SPTBN1: variants seen among roughly 807,000 people sequenced by gnomAD.
SPTBN1 encodes the protein spectrin beta, non-erythrocytic 1.
In SPTBN1, 32 loss-of-function variants were observed where a neutral mutation model predicts 266.4. The observed-to-expected ratio is 0.12, with a 90% CI of 0.09 to 0.16. The LOEUF is 0.16. Ranked by LOEUF, SPTBN1 falls within the 10% of genes least tolerant of loss-of-function variation. The pLI, the probability that SPTBN1 is intolerant of heterozygous loss-of-function variation, is 1.00. For missense variants in SPTBN1, 2,296 were observed against 3,067.1 expected, an observed-to-expected ratio of 0.75 and a Z score of 5.94; for synonymous variants, 1,336 against 1,162.2, an observed-to-expected ratio of 1.15 and a Z score of -3.04.
intron 1 of SPTBN1, among the ~76,000 whole-genome samples, chr2:54,509,657 T>C (rs762461717): frequency 6.6e-6 from 1 of 152,202 alleles, no homozygotes; most frequent in Non-Finnish European, 1.5e-5. Flanking sequence ...GATCCTTGGA[T>C]TGAGATTGGA....
At chr2:54,557,629 CA>C in intron 2 of SPTBN1, 2 of 790,238 alleles carry the variant, frequency 2.5e-6, no homozygotes, top group Non-Finnish European at 3.1e-6. Flanking sequence ...CCCTCCGGAT[CA>C]TAAACAACTC....
chr2:54,659,169 G>A lies in SPTBN1; in HGVS notation c.6259G>A (p.Val2087Met). 1 of 1,614,060 alleles carries A rather than the reference G, an allele frequency of 6.2e-7. No homozygotes were observed. Among genetic ancestry groups the A allele is most frequent in the South Asian group, 1.1e-5 (1 of 91,070 alleles). Residue 2087 changes from valine (V) to methionine (M), a missense_variant, in exon 31 of 36, where the codon GTG becomes ATG. Physicochemically the swap from Val to Met is conservative, Grantham distance 21. Transcript: ENST00000356805. Reference sequence around the variant, plus strand: ...TTTCTCTTAGTTGGAGTTACTGGAAGTGCGCAGACAGCAAGAGGAAGAGGA... The same window carrying A: ...TTTCTCTTAGTTGGAGTTACTGGAAATGCGCAGACAGCAAGAGGAAGAGGA... ...ERLTTLELLE[V>M]RRQQEEEERK...
Position 54,558,091 on chromosome 2 carries a change from C to T in SPTBN1, c.148+31525C>T, listed in dbSNP as rs1327590854. The T allele has an allele frequency of 1.0e-6, 1 of 985,288 alleles. No individual in the cohort carries two copies. 61.0% of individuals were successfully genotyped at this position (985,288 alleles called of 1,614,324 possible). A position where few individuals can be genotyped will look rare whatever the true frequency, so the allele number is the denominator to read the frequency against. ...CAAGTGATAGTAATCGGAGACTTTT[C>T]CGTTACATGAGGCTCAACAAAAGAT... On this transcript the variant is annotated intron_variant, in intron 2 of 35. Coordinates refer to ENST00000356805, the MANE Select transcript of SPTBN1 (RefSeq NM_003128.3). The surrounding 1 kb of genome is among the most constrained non-coding windows in gnomAD (Gnocchi z 4.6).
At position 54,554,195 on chromosome 2, in the gene SPTBN1, T is replaced by C. The variant is rs976443567; in HGVS notation, c.148+27629T>C. 6.6e-6 allele frequency among the ~76,000 whole-genome samples: 1 copy of C among 152,166 alleles called. No individual in the cohort carries two copies. The highest frequency in any genetic ancestry group is 2.4e-5 in the African/African-American group (1 of 41,428). The stretch of plus-strand genomic sequence containing the variant: ...TTTTTCAGAAAAGCTTAGAAACCCA[T>C]AGTAAGCTGGATATACTCTGAGCAT... On this transcript the variant is annotated intron_variant, in intron 2 of 35. Coordinates refer to ENST00000356805, the MANE Select transcript of SPTBN1 (RefSeq NM_003128.3). This position sits in a 1 kb window ranked among gnomAD's most constrained non-coding sequence, Gnocchi z 4.5.
intron 3 of SPTBN1, among the ~76,000 whole-genome samples, chr2:54,608,129 C>T (rs144650491): frequency 2.6e-4 from 39 of 152,296 alleles, no homozygotes; most frequent in African/African-American, 8.9e-4. Context: ...ACACCAAGCC[C>T]AGTCTGTCTG....
chr2:54,548,654 T>C (rs940295313), intron 2 of SPTBN1, among the ~76,000 whole-genome samples: 16 of 152,352 alleles, frequency 1.1e-4, no homozygotes, highest in African/African-American at 3.8e-4. Context: ...AGGCCTGCTT[T>C]CTAATCTCCA....
At position 54,653,738 on chromosome 2, in the gene SPTBN1, C is replaced by T. The variant is rs1387826377; in HGVS notation, c.5707C>T (p.Arg1903Cys). 3.7e-6 allele frequency: 6 copies of T among 1,614,094 alleles called. No individual in the cohort carries two copies. The highest frequency in any genetic ancestry group is 1.7e-5 in the Admixed American group (1 of 60,004). The change falls in exon 27 of 36, where the codon CGC becomes TGC. Residue 1903 changes from arginine to cysteine, a missense_variant. Physicochemically the swap from Arg to Cys is radical, Grantham distance 180 (BLOSUM62 -3). Around this residue, in one of 12 missense-constraint regions of SPTBN1, gnomAD observed 644 missense variants for 745.3 expected, o/e 0.86. Transcript: ENST00000356805. This position sits in a 1 kb window ranked among gnomAD's most constrained non-coding sequence, Gnocchi z 5.1. ...GTCCCTCCTGGACGCCTGTGAGAGC[C>T]GCAGGGTGCGGCTGGTGGACACAGG... Reference protein sequence around the residue: ...WKSLLDACESRRVRLVDTGDK... With the variant: ...WKSLLDACESCRVRLVDTGDK...
intron 2 of SPTBN1, among the ~76,000 whole-genome samples, chr2:54,597,624 G>T (rs1245107175): frequency 2.0e-5 from 3 of 152,200 alleles, no homozygotes; most frequent in Non-Finnish European, 4.4e-5. Context: ...GTCGGCAGCT[G>T]TAAAACCTCA....
At chr2:54,459,690 G>C (rs960208122) in intron 1 of SPTBN1, among the ~76,000 whole-genome samples, 1 of 152,028 alleles carries the variant, frequency 6.6e-6, no homozygotes, top group Non-Finnish European at 1.5e-5. Flanking sequence ...TTATTTAATG[G>C]CAGCCGTAGT....
intron 3 of SPTBN1, among the ~76,000 whole-genome samples, chr2:54,602,148 C>A (rs1343294871): frequency 6.6e-6 from 1 of 152,178 alleles, no homozygotes; most frequent in East Asian, 1.9e-4. Context: ...ATTCTTTTCT[C>A]ATTTCTTATT....
intron 1 of SPTBN1, among the ~76,000 whole-genome samples, chr2:54,497,509 A>G (rs578202740): frequency 3.3e-5 from 5 of 152,034 alleles, no homozygotes; most frequent in Non-Finnish European, 7.4e-5. Flanking sequence ...TACTTTACCT[A>G]TGTTTGGTGA....
At position 54,626,651 on chromosome 2, in the gene SPTBN1, A is replaced by C. The variant is rs1212009427; in HGVS notation, c.1644+417A>C. On this transcript the variant is annotated intron_variant, in intron 12 of 35. Transcript: ENST00000356805. This position sits in a 1 kb window ranked among gnomAD's most constrained non-coding sequence, Gnocchi z 4.7. ...GTGGTAGGTGCCATGGACAGAGGAG[A>C]GGTCAGGAACCAGGCAGCCAGAGTT... Among the ~76,000 whole-genome samples the C allele has an allele frequency of 2.6e-5, 4 of 152,106 alleles. No individual in the cohort carries two copies. In the East Asian group the frequency reaches 7.7e-4, roughly 29 times the overall value.
At chr2:54,544,052 T>C (rs561936374) in intron 2 of SPTBN1, among the ~76,000 whole-genome samples, 2 of 152,340 alleles carry the variant, frequency 1.3e-5, no homozygotes, top group Non-Finnish European at 2.9e-5. Context: ...ATACTTAAAA[T>C]GTGTGTATCA....
intron 2 of SPTBN1, among the ~76,000 whole-genome samples, chr2:54,581,766 A>C (rs973854788): frequency 5.9e-5 from 9 of 152,248 alleles, no homozygotes; most frequent in African/African-American, 2.2e-4. Context: ...GGTCTCATTA[A>C]ACTTCATTAA....
intron 1 of SPTBN1, among the ~76,000 whole-genome samples, chr2:54,495,158 CATA>C (rs1668896898): frequency 7.1e-6 from 1 of 141,328 alleles, no homozygotes. Context: ...TTCTGAGAAT[CATA>C]GGAGGTTGCA....
Position 54,659,838 on chromosome 2 carries a change from A to C in SPTBN1, c.6357-98A>C, listed in dbSNP as rs571378264. 2.5e-4 allele frequency: 371 copies of C among 1,488,098 alleles called. 4 individuals are homozygous for C. In the South Asian group the frequency reaches 4.8e-3, roughly 19 times the overall value. 92.2% of individuals were successfully genotyped at this position (1,488,098 alleles called of 1,614,324 possible). Reference sequence around the variant, plus strand: ...TAAATTATGTGAAAAGGTTGCACGTAATAAAATTGAGTGATGATGTTCTCC... The same window carrying C: ...TAAATTATGTGAAAAGGTTGCACGTCATAAAATTGAGTGATGATGTTCTCC... On this transcript the variant is annotated intron_variant, in intron 31 of 35. Coordinates refer to ENST00000356805, the MANE Select transcript of SPTBN1 (RefSeq NM_003128.3).
chr2:54,542,643 G>C (rs908360957), intron 2 of SPTBN1, among the ~76,000 whole-genome samples: 1 of 152,176 alleles, frequency 6.6e-6, no homozygotes, highest in Non-Finnish European at 1.5e-5. Context: ...GGAAGGCACA[G>C]GGAGGAACGC....
At chr2:54,622,597 C>A (rs1213270740) in intron 9 of SPTBN1, 110 bp downstream of exon 9, 2 of 1,262,872 alleles carry the variant, frequency 1.6e-6, no homozygotes, top group African/African-American at 1.5e-5. Flanking sequence ...GAATGCCTTT[C>A]AGTAGTGTGT....
At chr2:54,485,639 T>C (rs1305527816) in intron 1 of SPTBN1, among the ~76,000 whole-genome samples, 1 of 152,094 alleles carries the variant, frequency 6.6e-6, no homozygotes, top group Non-Finnish European at 1.5e-5. Context: ...GGAGCGTCTC[T>C]GCCTGGTCGC....
Sources: allele counts gnomAD v4.1 joint callset (sites outside exome capture counted in the v4.1 genomes callset), GRCh38; gene constraint gnomAD v4.1.1; regional missense constraint gnomAD v4.1.1; non-coding constraint Gnocchi (gnomAD v3.1); transcripts MANE v1.5; gene names NCBI Gene and HGNC (gene_info 2026-07-23, HGNC 2026-07-21).